The following TTLL7 variants were observed in gnomAD, a reference collection of about 807,000 sequenced individuals.
The protein encoded by TTLL7 is tubulin tyrosine ligase like 7.
TTLL7 carries 53 observed loss-of-function variants against 120.2 expected under a neutral mutation model. The ratio of observed to expected loss-of-function variants is 0.44; its 90% confidence interval spans 0.35 to 0.55. TTLL7 has a LOEUF of 0.55. Among genes scored for constraint, TTLL7 ranks in the 20% least tolerant of loss-of-function variants. The pLI, the probability that TTLL7 is intolerant of heterozygous loss-of-function variation, is 0.00. For missense variants in TTLL7, 803 were observed against 1,054.7 expected (o/e 0.76, Z 3.31); for synonymous variants, 353 against 351.7 (o/e 1.00, Z -0.04).
Position 83,911,174 on chromosome 1 carries a change from G to C in TTLL7, c.1777C>G (p.Gln593Glu), listed in dbSNP as rs1657643344. ...LKPSNHYKLI[Q>E]QPSSIRRSVS... The stretch of plus-strand genomic sequence containing the variant: ...GAAGAAATTGACTTACTGGGTTGTT[G>C]AATTAATTTGTAGTGGTTGGAGGGT... Residue 593 changes from glutamine to glutamate, a missense_variant, in exon 15 of 21, where the codon CAA (glutamine) becomes GAA (glutamate). By Grantham distance (29) the Gln-to-Glu change is conservative. This residue lies in a region of TTLL7 where 388 missense variants were observed against 450.4 expected (regional missense o/e 0.86). Coordinates refer to ENST00000260505, the MANE Select transcript of TTLL7 (RefSeq NM_024686.6). 6.2e-7 allele frequency: 1 copy of C among 1,607,202 alleles called. No individual in the cohort carries two copies. The highest frequency in any genetic ancestry group is 8.5e-7 in the Non-Finnish European group (1 of 1,174,886).
chr1:83,979,463 G>C (rs1651775285), intron 1 of TTLL7: 2 of 152,136 alleles, frequency 1.3e-5, no homozygotes, highest in South Asian at 4.1e-4. Context: ...AGAAATAATT[G>C]GGTAAGTCAC....
rs548415890 is a variant in TTLL7 at position 83,909,817 on chromosome 1, G to A, written c.1786+1348C>T. ...CATCCCCCATCAGTTCATGCCATTA[G>A]GGAGGTACACATCAGCTAACAGGAA... On this transcript the variant is annotated intron_variant, in intron 15 of 20. Coordinates refer to ENST00000260505, the MANE Select transcript of TTLL7 (RefSeq NM_024686.6). Among the ~76,000 whole-genome samples, 36 of 152,066 alleles carry A rather than the reference G, an allele frequency of 2.4e-4. No individual in the cohort carries two copies. The South Asian group carries it at 3.5e-3, about 15-fold the overall frequency.
intron 1 of TTLL7, among the ~76,000 whole-genome samples, chr1:83,974,377 T>A (rs572711689): frequency 6.6e-6 from 1 of 152,008 alleles, no homozygotes; most frequent in African/African-American, 2.4e-5. Context: ...GGGTTATATA[T>A]TAAAATAAAT....
chr1:83,867,549 T>TGTGA lies in TTLL7; in HGVS notation c.*2412_*2413insTCAC, dbSNP rs1162958916. The TGTGA allele has an allele frequency of 2.6e-5, 4 of 151,900 alleles. No individual in the cohort carries two copies. The highest frequency in any genetic ancestry group is 6.6e-5 in the Admixed American group (1 of 15,204). The allele number at this position is 151,900 out of a possible 1,614,324, so 9.4% of individuals were successfully genotyped here. A position where few individuals can be genotyped will look rare whatever the true frequency, so the allele number is the denominator to read the frequency against. ...TTTAAATTGTGTGTGTGTGTGTGTG[T>TGTGA]GTGTTTTCTGTGAGGAGTGTTTCTC... On this transcript the variant is annotated 3_prime_UTR_variant, in exon 21 of 21. Transcript: ENST00000260505.
intron 1 of TTLL7, chr1:83,980,495 G>T (rs1266916715): frequency 6.6e-6 from 1 of 152,156 alleles, no homozygotes; most frequent in African/African-American, 2.4e-5. Context: ...TCTCTTTCAA[G>T]TGCTGAAAGA....
rs948478312 is a variant in TTLL7, at chr1:83,878,364, G to T, written c.2543+4599C>A. Reference sequence around the variant, plus strand: ...CTTTACTGAGTTTTTTCTGAGAAATGATTATTAAATCTTCCTCTATGGTTG... The same window carrying T: ...CTTTACTGAGTTTTTTCTGAGAAATTATTATTAAATCTTCCTCTATGGTTG... On this transcript the variant is annotated intron_variant, in intron 20 of 20. Transcript: ENST00000260505. 4.6e-5 allele frequency among the ~76,000 whole-genome samples: 7 copies of T among 151,860 alleles called. No individual in the cohort carries two copies. The Admixed American group carries it at 4.6e-4, about 10-fold the overall frequency.
intron 1 of TTLL7, among the ~76,000 whole-genome samples, chr1:83,957,002 T>C (rs1649589652): frequency 6.6e-6 from 1 of 152,222 alleles, no homozygotes; most frequent in Non-Finnish European, 1.5e-5. Flanking sequence ...GTGTTCTCCA[T>C]TTAAGTGAAA....
Position 83,919,753 on chromosome 1 carries a change from T to A in TTLL7, c.1446A>T (p.Ser482=). The A allele has an allele frequency of 6.2e-7, 1 of 1,613,142 alleles. No homozygotes were observed. The stretch of plus-strand genomic sequence containing the variant: ...CTCGCTGGAATGAAGCTGCTCTTCC[T>A]GAAAGGAAGGTCTGAAAGGCAACAG... The part of the protein sequence containing the change: ...LLAVAFQTFL[S]GRAASFQREL... The change falls in exon 13 of 21, where the codon TCA becomes TCT. Residue 482 remains serine (S), a synonymous_variant. Coordinates refer to ENST00000260505, the MANE Select transcript of TTLL7 (RefSeq NM_024686.6).
Position 83,883,751 on chromosome 1 carries a change from G to A in TTLL7, c.2370-615C>T, listed in dbSNP as rs114663514. ...TTACCTTAAGAATGAATGATCCCTTGAAATGACTAAAAAGTTGCTGAAACA... is the reference window on the plus strand; with the variant it reads ...TTACCTTAAGAATGAATGATCCCTTAAAATGACTAAAAAGTTGCTGAAACA... On this transcript the variant is annotated intron_variant, in intron 19 of 20. Coordinates refer to ENST00000260505, the MANE Select transcript of TTLL7 (RefSeq NM_024686.6). Among the ~76,000 whole-genome samples the A allele has an allele frequency of 5.2e-3, 784 of 152,104 alleles. 4 individuals are homozygous for A. The highest frequency in any genetic ancestry group is 0.018 in the African/African-American group (748 of 41,532).
rs776886295 is a variant in TTLL7, at chr1:83,921,314, C to A, written c.1223G>T (p.Arg408Met). 6.2e-7 allele frequency: 1 copy of A among 1,612,986 alleles called. No individual in the cohort carries two copies. Among genetic ancestry groups the A allele is most frequent in the Non-Finnish European group, 8.5e-7 (1 of 1,179,794 alleles). The change falls in exon 11 of 21, where the codon AGG becomes ATG. Residue 408 changes from arginine to methionine, a missense_variant. Arg to Met is a moderately conservative substitution (Grantham distance 91, BLOSUM62 -1). This residue lies in a region of TTLL7 where 324 missense variants were observed against 507.7 expected (regional missense o/e 0.64). Coordinates refer to ENST00000260505, the MANE Select transcript of TTLL7 (RefSeq NM_024686.6). ...RRLYGQNSIK[R>M]LLPGSSDWEQ... Reference sequence around the variant, plus strand: ...CCAGTCTGAGGAGCCTGGTAAGAGCCTTTTAATTGAATTTTGACCATAGAG... The same window carrying A: ...CCAGTCTGAGGAGCCTGGTAAGAGCATTTTAATTGAATTTTGACCATAGAG...
At position 83,919,034 on chromosome 1, in the gene TTLL7, T is replaced by C. The variant is rs570318999; in HGVS notation, c.1500+665A>G. Among the ~76,000 whole-genome samples the C allele has an allele frequency of 1.6e-4, 24 of 152,162 alleles. No homozygotes were observed. The East Asian group carries it at 4.4e-3, about 28-fold the overall frequency. On this transcript the variant is annotated intron_variant, in intron 13 of 20. Transcript: ENST00000260505. ...CCAGCCAGCTCCCAGATGTTTCAGC[T>C]ATCTTATCTGACACACCAGACATGT...
chr1:83,960,656 A>C (rs1271405196), intron 1 of TTLL7, among the ~76,000 whole-genome samples: 1 of 152,152 alleles, frequency 6.6e-6, no homozygotes, highest in Non-Finnish European at 1.5e-5. Context: ...AGTGGAGATA[A>C]GAGATAAGGG....
chr1:83,930,528 G>A (rs1266968679), intron 9 of TTLL7, among the ~76,000 whole-genome samples: 2 of 152,054 alleles, frequency 1.3e-5, no homozygotes, highest in Non-Finnish European at 2.9e-5. Context: ...AATCTATTAC[G>A]AAAGCTCTAA....
chr1:83,917,631 T>C lies in TTLL7; in HGVS notation c.1560A>G (p.Gly520=), dbSNP rs201237224. Residue 520 remains glycine (G), a synonymous_variant, in exon 14 of 21, where the codon GGA becomes GGG. Coordinates refer to ENST00000260505, the MANE Select transcript of TTLL7 (RefSeq NM_024686.6). ...QCEIDDEKLM[G]KTTKTRGPKP... ...TTGGTCCTCGAGTCTTGGTAGTTTT[T>C]CCCATCAACTTTTCATCATCAATTT... 1.2e-6 allele frequency: 2 copies of C among 1,613,430 alleles called. No individual in the cohort carries two copies. Among genetic ancestry groups the C allele is most frequent in the Admixed American group, 1.7e-5 (1 of 59,986 alleles).
At chr1:83,886,080 A>G (rs1031777755) in intron 19 of TTLL7, among the ~76,000 whole-genome samples, 12 of 152,062 alleles carry the variant, frequency 7.9e-5, no homozygotes, top group African/African-American at 2.7e-4. Context: ...AGAATACTGA[A>G]TATCTCTGGC....
intron 19 of TTLL7, among the ~76,000 whole-genome samples, chr1:83,885,933 A>G (rs1654935342): frequency 6.6e-6 from 1 of 152,114 alleles, no homozygotes; most frequent in South Asian, 2.1e-4. Context: ...TTCCAAGGAA[A>G]TAGGGTCACC....
At chr1:83,921,784 T>C (rs781503841) in intron 10 of TTLL7, among the ~76,000 whole-genome samples, 20 of 152,240 alleles carry the variant, frequency 1.3e-4, no homozygotes, top group African/African-American at 3.9e-4. Flanking sequence ...TAAGATTAAT[T>C]TGTGGTAACA....
chr1:83,946,009 A>G (rs1648458032), intron 6 of TTLL7: 1 of 152,176 alleles, frequency 6.6e-6, no homozygotes, highest in Admixed American at 6.5e-5. Flanking sequence ...CCTGGTAGCT[A>G]TATTTCCAAA....
intron 18 of TTLL7, among the ~76,000 whole-genome samples, chr1:83,891,282 A>C (rs886257421): frequency 7.9e-5 from 12 of 152,118 alleles, no homozygotes; most frequent in Non-Finnish European, 1.8e-4. Context: ...TTAATAGAAA[A>C]AAAGGACAAA....
Sources: allele counts gnomAD v4.1 joint callset (sites outside exome capture counted in the v4.1 genomes callset), GRCh38; gene constraint gnomAD v4.1.1; regional missense constraint gnomAD v4.1.1; transcripts MANE v1.5; gene names NCBI Gene and HGNC (gene_info 2026-07-23, HGNC 2026-07-21).